Variants in PTGFR observed in about 807,000 individuals in gnomAD.
PTGFR encodes the protein prostaglandin F receptor, also known as prostaglandin F2-alpha receptor.
PTGFR carries 15 observed loss-of-function variants against 26.2 expected under a neutral mutation model. The ratio of observed to expected loss-of-function variants is 0.57; its 90% CI spans 0.38 to 0.88. PTGFR has a LOEUF of 0.88. Ranked by LOEUF, PTGFR falls within the 40% of genes least tolerant of loss-of-function variation. The pLI is 0.00. For synonymous variants in PTGFR, 165 were observed against 151.1 expected (o/e 1.09, Z -0.68); for missense variants, 369 against 427.2 (o/e 0.86, Z 1.20).
intron 2 of PTGFR, among the ~76,000 whole-genome samples, chr1:78,495,833 C>T (rs1649534512): frequency 6.6e-6 from 1 of 152,150 alleles, no homozygotes; most frequent in Non-Finnish European, 1.5e-5. Context: ...ATAAATATTA[C>T]AATTTAATTC....
chr1:78,498,647 C>T (rs1649621018), intron 2 of PTGFR, among the ~76,000 whole-genome samples: 1 of 152,106 alleles, frequency 6.6e-6, no homozygotes, highest in African/African-American at 2.4e-5. Flanking sequence ...CTTCAGTATC[C>T]TGCAATATAC....
At chr1:78,525,539 A>G (rs1317687286) in intron 2 of PTGFR, among the ~76,000 whole-genome samples, 1 of 152,086 alleles carries the variant, frequency 6.6e-6, no homozygotes, top group Non-Finnish European at 1.5e-5. Context: ...CAACCAGGGA[A>G]GATCATCTGA....
intron 2 of PTGFR, among the ~76,000 whole-genome samples, chr1:78,498,184 A>G (rs1461499208): frequency 6.6e-6 from 1 of 152,238 alleles, no homozygotes; most frequent in Non-Finnish European, 1.5e-5. Flanking sequence ...ATGGAGTAAC[A>G]TGACATCATA....
At chr1:78,517,385 T>C (rs1650113690) in intron 2 of PTGFR, among the ~76,000 whole-genome samples, 1 of 151,622 alleles carries the variant, frequency 6.6e-6, no homozygotes, top group Non-Finnish European at 1.5e-5. Context: ...TGGAAAGGGG[T>C]AGATAATAAG....
chr1:78,494,834 G>C (rs930766819), intron 2 of PTGFR, among the ~76,000 whole-genome samples: 2 of 152,142 alleles, frequency 1.3e-5, no homozygotes, highest in African/African-American at 4.8e-5. Context: ...TCAAACTCCT[G>C]ACCTCGTAAT....
intron 2 of PTGFR, among the ~76,000 whole-genome samples, chr1:78,514,243 G>C (rs1557653502): frequency 6.6e-6 from 1 of 152,208 alleles, no homozygotes; most frequent in Non-Finnish European, 1.5e-5. Flanking sequence ...CAACCTGTGT[G>C]AGCAGCCACG....
chr1:78,538,664 T>C lies in PTGFR; in HGVS notation c.*1977T>C, dbSNP rs1650718440. Reference sequence around the variant, plus strand: ...CATTTCTGTTATTATATGTGTTGCATGTAGCTTGGCGATTTACTGTGTAAT... The same window carrying C: ...CATTTCTGTTATTATATGTGTTGCACGTAGCTTGGCGATTTACTGTGTAAT... On this transcript the variant is annotated 3_prime_UTR_variant, in exon 3 of 3. Coordinates refer to ENST00000370757, the MANE Select transcript of PTGFR (RefSeq NM_000959.4). The C allele has an allele frequency of 6.6e-6, 1 of 152,140 alleles. No homozygotes were observed. Among genetic ancestry groups the C allele is most frequent in the Non-Finnish European group, 1.5e-5 (1 of 68,008 alleles). The allele number at this position is 152,140 out of a possible 1,614,324, so 9.4% of individuals were successfully genotyped here. A position where few individuals can be genotyped will look rare whatever the true frequency, so the allele number is the denominator to read the frequency against.
At chr1:78,504,463 C>G (rs1033009469) in intron 2 of PTGFR, among the ~76,000 whole-genome samples, 2 of 152,022 alleles carry the variant, frequency 1.3e-5, no homozygotes, top group African/African-American at 4.8e-5. Flanking sequence ...TAGCAAAGAA[C>G]AGATAATTCT....
At chr1:78,510,939 T>C (rs1249969951) in intron 2 of PTGFR, among the ~76,000 whole-genome samples, 1 of 152,194 alleles carries the variant, frequency 6.6e-6, no homozygotes, top group Non-Finnish European at 1.5e-5. Context: ...AGTCATTGAA[T>C]TTTAAATCTT....
intron 2 of PTGFR, among the ~76,000 whole-genome samples, chr1:78,504,754 T>A (rs1649788500): frequency 6.6e-6 from 1 of 152,192 alleles, no homozygotes. Flanking sequence ...AAGTTAATGA[T>A]CTGAATTTTC....
At chr1:78,520,641 T>C (rs1650200613) in intron 2 of PTGFR, among the ~76,000 whole-genome samples, 2 of 152,238 alleles carry the variant, frequency 1.3e-5, no homozygotes, top group South Asian at 4.1e-4. Flanking sequence ...GAGTCATTAG[T>C]ATAATTTGGT....
chr1:78,525,982 T>A (rs1557657298), intron 2 of PTGFR, among the ~76,000 whole-genome samples: 1 of 152,122 alleles, frequency 6.6e-6, no homozygotes, highest in Non-Finnish European at 1.5e-5. Context: ...GGAATTAGCA[T>A]ATTCTTATAT....
chr1:78,525,306 C>T (rs1356577126), intron 2 of PTGFR, among the ~76,000 whole-genome samples: 1 of 152,016 alleles, frequency 6.6e-6, no homozygotes, highest in African/African-American at 2.4e-5. Flanking sequence ...TTCTGACAAA[C>T]TGGCTACAAA....
intron 1 of PTGFR, among the ~76,000 whole-genome samples, chr1:78,492,429 G>A (rs1011375101): frequency 3.4e-4 from 52 of 152,166 alleles, no homozygotes; most frequent in African/African-American, 1.2e-3. Flanking sequence ...GGAGGAGGAG[G>A]AGGTGCTCAT....
At chr1:78,500,301 T>A (rs1336048403) in intron 2 of PTGFR, among the ~76,000 whole-genome samples, 1 of 152,216 alleles carries the variant, frequency 6.6e-6, no homozygotes, top group East Asian at 1.9e-4. Flanking sequence ...GGTTTTATAT[T>A]CACAGAGGAT....
At position 78,522,137 on chromosome 1, in the gene PTGFR, C is replaced by T. The variant is rs116185550; in HGVS notation, c.799-14269C>T. Among the ~76,000 whole-genome samples, 336 of 152,096 alleles carry T rather than the reference C, an allele frequency of 2.2e-3. 1 individual carries two copies. Among genetic ancestry groups the T allele is most frequent in the African/African-American group, 7.9e-3 (326 of 41,498 alleles). On this transcript the variant is annotated intron_variant, in intron 2 of 2. Coordinates refer to ENST00000370757, the MANE Select transcript of PTGFR (RefSeq NM_000959.4). ...TCTGAGGTCCTTGTTTCCTGACTGG[C>T]CCTCAGGTCGGGGCTGTCCTCTGCT...
rs1650682508 is a variant in PTGFR, at chr1:78,537,379, A to G, written c.*692A>G. The G allele has an allele frequency of 6.6e-6, 1 of 152,096 alleles. No individual in the cohort carries two copies. Among genetic ancestry groups the G allele is most frequent in the African/African-American group, 2.4e-5 (1 of 41,430 alleles). 9.4% of individuals were successfully genotyped at this position (152,096 alleles called of 1,614,324 possible). A position where few individuals can be genotyped will look rare whatever the true frequency, so the allele number is the denominator to read the frequency against. Reference sequence around the variant, plus strand: ...TCATGTCATAGATTAGCAATTTTCAAATAATTATTTTTTCTCTGAAAATTT... The same window carrying G: ...TCATGTCATAGATTAGCAATTTTCAGATAATTATTTTTTCTCTGAAAATTT... On this transcript the variant is annotated 3_prime_UTR_variant, in exon 3 of 3. Coordinates refer to ENST00000370757, the MANE Select transcript of PTGFR (RefSeq NM_000959.4).
At position 78,537,854 on chromosome 1, in the gene PTGFR, A is replaced by G. The variant is rs991796622; in HGVS notation, c.*1167A>G. On this transcript the variant is annotated 3_prime_UTR_variant, in exon 3 of 3. Coordinates refer to ENST00000370757, the MANE Select transcript of PTGFR (RefSeq NM_000959.4). ...TAATAATCTCTCCCCAAATTTTCCA[A>G]TAATAATTGAGACTTTTTCTTTGCT... is the stretch of plus-strand genomic sequence containing the variant. 8 of 152,138 alleles carry G rather than the reference A, an allele frequency of 5.3e-5. No individual in the cohort carries two copies. Among genetic ancestry groups the G allele is most frequent in the Non-Finnish European group, 7.4e-5 (5 of 68,004 alleles). 9.4% of individuals were successfully genotyped at this position (152,138 alleles called of 1,614,324 possible). A position where few individuals can be genotyped will look rare whatever the true frequency, so the allele number is the denominator to read the frequency against.
chr1:78,540,325 C>T lies in PTGFR; in HGVS notation c.*3638C>T, dbSNP rs1318056021. The stretch of plus-strand genomic sequence containing the variant: ...AGTGCAATACTATATGTTAGGAAAA[C>T]GGAAACTAATTTGTAGACAGCACTA... On this transcript the variant is annotated 3_prime_UTR_variant, in exon 3 of 3. Transcript: ENST00000370757. Among the ~76,000 whole-genome samples the T allele has an allele frequency of 1.3e-5, 2 of 152,032 alleles. 1 individual carries two copies. The highest frequency in any genetic ancestry group is 4.1e-4 in the South Asian group (2 of 4,828).
Sources: allele counts gnomAD v4.1 joint callset (sites outside exome capture counted in the v4.1 genomes callset), GRCh38; gene constraint gnomAD v4.1.1; transcripts MANE v1.5; gene names NCBI Gene and HGNC (gene_info 2026-07-23, HGNC 2026-07-21).